Variants in FAM181A observed in about 807,000 individuals in gnomAD.
FAM181A encodes the protein family with sequence similarity 181 member A.
FAM181A carries 7 observed loss-of-function variants against 16.3 expected under a neutral mutation model. The ratio of observed to expected loss-of-function variants is 0.43; its 90% confidence interval spans 0.24 to 0.81. FAM181A has a LOEUF of 0.81. Ranked by LOEUF, FAM181A falls within the 30% of genes least tolerant of loss-of-function variation. The pLI, the probability that FAM181A is intolerant of heterozygous loss-of-function variation, is 0.24. For missense variants in FAM181A, 349 were observed against 377.5 expected (o/e 0.92, Z 0.63); for synonymous variants, 183 against 164.9 (o/e 1.11, Z -0.84).
upstream of FAM181A, among the ~76,000 whole-genome samples, chr14:93,923,123 C>T (rs911323429): frequency 2.6e-5 from 4 of 152,086 alleles, no homozygotes; most frequent in Admixed American, 6.5e-5. Context: ...TACAGGCACC[C>T]GCCACCACAC....
chr14:93,922,811 G>A (rs886418599), upstream of FAM181A, among the ~76,000 whole-genome samples: 2 of 152,200 alleles, frequency 1.3e-5, no homozygotes, highest in Non-Finnish European at 2.9e-5. Context: ...GATGGCTGAT[G>A]TGAGACCATA....
chr14:93,927,680 TG>T, intron 1 of FAM181A: 1 of 1,040,914 alleles, frequency 9.6e-7, no homozygotes, highest in Non-Finnish European at 1.2e-6. Context: ...GCGTGAGAGC[TG>T]GGGGTGGAGC....
chr14:93,929,339 G>C lies in FAM181A; in HGVS notation c.*175G>C. The C allele has an allele frequency of 1.1e-6, 1 of 904,208 alleles. No homozygotes were observed. The highest frequency in any genetic ancestry group is 1.5e-6 in the Non-Finnish European group (1 of 655,100). 56.0% of individuals were successfully genotyped at this position (904,208 alleles called of 1,614,324 possible). Reference sequence around the variant, plus strand: ...CCTCAGGCAGTGACCCTTCAGCCTTGCAGCCTTGGAAGCTGGGAGGCTGGA... The same window carrying C: ...CCTCAGGCAGTGACCCTTCAGCCTTCCAGCCTTGGAAGCTGGGAGGCTGGA... On this transcript the variant is annotated 3_prime_UTR_variant, in exon 2 of 2. Transcript: ENST00000556222.
At position 93,928,303 on chromosome 14, in the gene FAM181A, T is replaced by C. The variant is rs769894996; in HGVS notation, c.18T>C (p.Asp6=). The stretch of plus-strand genomic sequence containing the variant: ...CCCTGGTGATGGCATCCGACAGTGA[T>C]GTGAAGATGCTGCTGAACTTCGTGA... MASDS[D]VKMLLNFVNL... Residue 6 remains aspartate (D), a synonymous_variant, in exon 2 of 2, where the codon GAT becomes GAC. Transcript: ENST00000556222. 5.6e-6 allele frequency: 9 copies of C among 1,613,678 alleles called. No individual in the cohort carries two copies. Among genetic ancestry groups the C allele is most frequent in the African/African-American group, 4.0e-5 (3 of 74,916 alleles).
chr14:93,920,995 G>T (rs1887703244), intron 1 of FAM181A, among the ~76,000 whole-genome samples: 1 of 152,134 alleles, frequency 6.6e-6, no homozygotes, highest in African/African-American at 2.4e-5. Flanking sequence ...TGTTGAATCT[G>T]CTCAGATTTA....
At chr14:93,925,771 G>C (rs148380375), upstream of FAM181A, among the ~76,000 whole-genome samples, 162 of 152,114 alleles carry the variant, frequency 1.1e-3, 1 homozygote, top group African/African-American at 3.7e-3. Flanking sequence ...GGAGAATACA[G>C]TGCTGGCTTT....
At chr14:93,920,591 CA>C (rs1228100224) in intron 1 of FAM181A, among the ~76,000 whole-genome samples, 1 of 152,170 alleles carries the variant, frequency 6.6e-6, no homozygotes, top group Non-Finnish European at 1.5e-5. Flanking sequence ...AACACATGAT[CA>C]TATAAATTGA....
chr14:93,924,923 A>G, upstream of FAM181A: 1 of 302,044 alleles, frequency 3.3e-6, no homozygotes, highest in South Asian at 3.9e-5. Flanking sequence ...TGAGGTCTTC[A>G]TGTGGTTGTG....
At chr14:93,925,164 G>A, upstream of FAM181A, 2 of 1,002,246 alleles carry the variant, frequency 2.0e-6, no homozygotes, top group South Asian at 2.9e-5. Flanking sequence ...GCTAAGAAAG[G>A]AGAGACAGCT....
In FAM181A at chr14:93,927,471, G is replaced by C; in HGVS notation, c.-88+17G>C. ...GCACCTTCGGTCAGTGTGGAGGCCC[G>C]GTGGCTCTGGCCCGACTGGGTGGCG... On this transcript the variant is annotated intron_variant, in intron 1 of 1. Transcript: ENST00000556222. The C allele has an allele frequency of 8.0e-7, 1 of 1,249,898 alleles. No homozygotes were observed. Among genetic ancestry groups the C allele is most frequent in the South Asian group, 1.3e-5 (1 of 74,314 alleles). The allele number at this position is 1,249,898 out of a possible 1,614,324, so 77.4% of individuals were successfully genotyped here. A position where few individuals can be genotyped will look rare whatever the true frequency, so the allele number is the denominator to read the frequency against.
chr14:93,925,196 T>G, upstream of FAM181A: 1 of 1,390,108 alleles, frequency 7.2e-7, no homozygotes, highest in East Asian at 2.3e-5. Context: ...CAGTGCAGAA[T>G]GGGCCAGCAG....
exon 1 of FAM181A, chr14:93,918,963 G>C (rs1166080562): frequency 6.6e-6 from 1 of 152,218 alleles, no homozygotes; most frequent in Non-Finnish European, 1.5e-5. Flanking sequence ...GGAGAGTGAC[G>C]AGGCCTATCA....
upstream of FAM181A, chr14:93,925,128 G>A (rs1887852539): frequency 1.5e-6 from 1 of 689,542 alleles, no homozygotes; most frequent in Non-Finnish European, 2.4e-6. Context: ...CGGAGTCCAC[G>A]GGCCTGGTGG....
At chr14:93,926,424 G>A (rs1567011758), upstream of FAM181A, 1 of 152,252 alleles carries the variant, frequency 6.6e-6, no homozygotes, top group East Asian at 1.9e-4. This position sits in a 1 kb window ranked among gnomAD's most constrained non-coding sequence, Gnocchi z 5.2. Flanking sequence ...AGGCCAGGGG[G>A]AGCCATGGAA....
chr14:93,920,153 C>T (rs974612295), intron 1 of FAM181A, among the ~76,000 whole-genome samples: 10 of 152,122 alleles, frequency 6.6e-5, no homozygotes, highest in Admixed American at 1.3e-4. Flanking sequence ...GTGGCTCATA[C>T]CTGTAATCCC....
At chr14:93,925,119 G>A (rs370583616), upstream of FAM181A, 33 of 639,166 alleles carry the variant, frequency 5.2e-5, no homozygotes, top group Admixed American at 3.6e-4. Flanking sequence ...CACCTCCCAC[G>A]GAGTCCACGG....
intron 1 of FAM181A, among the ~76,000 whole-genome samples, chr14:93,921,203 A>G (rs1887710439): frequency 6.6e-6 from 1 of 152,226 alleles, no homozygotes; most frequent in Admixed American, 6.5e-5. Context: ...ACAGCCAGGT[A>G]GGGGCAGAGT....
At chr14:93,925,426 C>A, upstream of FAM181A, 1 of 1,515,180 alleles carries the variant, frequency 6.6e-7, no homozygotes, top group Non-Finnish European at 9.0e-7. Flanking sequence ...TGGCTGTGCA[C>A]ACCAGCCTCA....
chr14:93,926,969 TG>T, upstream of FAM181A: 1 of 152,784 alleles, frequency 6.5e-6, no homozygotes, highest in Non-Finnish European at 1.4e-5. This position sits in a 1 kb window ranked among gnomAD's most constrained non-coding sequence, Gnocchi z 5.2. Context: ...CTGGAGTCTT[TG>T]GGGGAGGTTT....
Sources: allele counts gnomAD v4.1 joint callset (sites outside exome capture counted in the v4.1 genomes callset), GRCh38; gene constraint gnomAD v4.1.1; non-coding constraint Gnocchi (gnomAD v3.1); transcripts MANE v1.5; gene names NCBI Gene and HGNC (gene_info 2026-07-23, HGNC 2026-07-21).